Variants in PLXNA4 observed in about 807,000 individuals in gnomAD.
PLXNA4 encodes the protein plexin-A4.
In PLXNA4, 44 loss-of-function variants were observed where a neutral mutation model predicts 191.8. The observed-to-expected ratio is 0.23, with a 90% CI of 0.18 to 0.29. PLXNA4 has a LOEUF of 0.29. Ranked by LOEUF, PLXNA4 falls within the 10% of genes least tolerant of loss-of-function variation. PLXNA4 has a pLI of 1.00. For synonymous variants in PLXNA4, 1,082 were observed against 1,009.5 expected (o/e 1.07, Z -1.36); for missense variants, 1,800 against 2,488.8 (o/e 0.72, Z 5.89).
intron 3 of PLXNA4, among the ~76,000 whole-genome samples, chr7:132,336,166 G>C (rs1802809175): frequency 2.0e-5 from 3 of 152,350 alleles, no homozygotes; most frequent in South Asian, 4.1e-4. Flanking sequence ...TGCTCTCTAA[G>C]TATTCTAGTC....
intron 3 of PLXNA4, among the ~76,000 whole-genome samples, chr7:132,461,195 C>G (rs1480125922): frequency 6.6e-6 from 1 of 152,164 alleles, no homozygotes; most frequent in African/African-American, 2.4e-5. Context: ...TACAACAAGG[C>G]TTCCCTAAAT....
At chr7:132,505,089 C>T (rs545328620) in intron 2 of PLXNA4, among the ~76,000 whole-genome samples, 26 of 152,362 alleles carry the variant, frequency 1.7e-4, no homozygotes, top group African/African-American at 6.3e-4. Context: ...TGCAGAGTTT[C>T]TGGCCTCCTC....
chr7:132,277,573 C>A (rs1313350062), intron 4 of PLXNA4, among the ~76,000 whole-genome samples: 1 of 152,148 alleles, frequency 6.6e-6, no homozygotes, highest in Non-Finnish European at 1.5e-5. Context: ...AAAGCAGAGG[C>A]TCAGGAGGGA....
chr7:132,286,630 G>A (rs1432617184), intron 4 of PLXNA4, among the ~76,000 whole-genome samples: 1 of 152,164 alleles, frequency 6.6e-6, no homozygotes, highest in Non-Finnish European at 1.5e-5. Flanking sequence ...CTGGGGCAGA[G>A]AGAAGGAAAA....
At position 132,525,413 on chromosome 7, in the gene PLXNA4, C is replaced by T. The variant is rs115834636; in HGVS notation, c.-86-16634G>A. The stretch of plus-strand genomic sequence containing the variant: ...AGCATGCACAGGCTGCTACACCAGG[C>T]TAATTTTTAAAATTTTTGTAGAGTT... On this transcript the variant is annotated intron_variant, in intron 1 of 31. Transcript: ENST00000321063. Among the ~76,000 whole-genome samples the T allele has an allele frequency of 3.9e-3, 598 of 151,996 alleles. 5 individuals carry two copies. Among genetic ancestry groups the T allele is most frequent in the African/African-American group, 0.014 (574 of 41,436 alleles).
chr7:132,206,701 C>G (rs1797634025), intron 10 of PLXNA4, among the ~76,000 whole-genome samples: 1 of 152,050 alleles, frequency 6.6e-6, no homozygotes, highest in African/African-American at 2.4e-5. Flanking sequence ...TGCAACGTGC[C>G]TGGGGCAGGG....
intron 29 of PLXNA4, among the ~76,000 whole-genome samples, chr7:132,141,228 G>A (rs574967702): frequency 6.6e-6 from 1 of 152,268 alleles, no homozygotes; most frequent in South Asian, 2.1e-4. Context: ...GAATTGCTTG[G>A]AATCTAGGCT....
At chr7:132,509,855 C>G (rs1422136305) in intron 1 of PLXNA4, among the ~76,000 whole-genome samples, 1 of 152,200 alleles carries the variant, frequency 6.6e-6, no homozygotes, top group Non-Finnish European at 1.5e-5. Flanking sequence ...ACTGCAGCTG[C>G]AACCAGGTCC....
chr7:132,255,896 T>A (rs775027494), intron 4 of PLXNA4, among the ~76,000 whole-genome samples: 1 of 152,212 alleles, frequency 6.6e-6, no homozygotes, highest in Non-Finnish European at 1.5e-5. Context: ...CCTGGAAAAG[T>A]TAAGAAAAGA....
chr7:132,303,673 A>G (rs888989720), intron 3 of PLXNA4, among the ~76,000 whole-genome samples: 1 of 152,178 alleles, frequency 6.6e-6, no homozygotes, highest in Non-Finnish European at 1.5e-5. Flanking sequence ...CCACATCCCA[A>G]TCCTGTGTGT....
At chr7:132,169,861 G>A (rs1039169143) in intron 21 of PLXNA4, among the ~76,000 whole-genome samples, 8 of 152,110 alleles carry the variant, frequency 5.3e-5, no homozygotes, top group African/African-American at 7.2e-5. Context: ...ACCAAAAGAC[G>A]TACTTAAAAA....
chr7:132,143,362 C>T (rs555558316), intron 29 of PLXNA4, among the ~76,000 whole-genome samples: 13 of 152,296 alleles, frequency 8.5e-5, no homozygotes, highest in African/African-American at 3.1e-4. Flanking sequence ...TTTGGCTCCA[C>T]TCCAAGGACA....
intron 3 of PLXNA4, among the ~76,000 whole-genome samples, chr7:132,316,824 C>T (rs1801962670): frequency 6.6e-6 from 1 of 152,192 alleles, no homozygotes; most frequent in South Asian, 2.1e-4. Context: ...ACAATTTAGT[C>T]CCCCACCCTC....
At chr7:132,569,129 T>C (rs9649579) in intron 1 of PLXNA4, among the ~76,000 whole-genome samples, 80,732 of 151,986 alleles carry the variant, frequency 0.53, 21,848 homozygotes, top group South Asian at 0.67. Flanking sequence ...CAGAAGGACC[T>C]GTGGATTAAC....
chr7:132,223,391 G>T, intron 9 of PLXNA4, 136 bp downstream of exon 9: 1 of 697,230 alleles, frequency 1.4e-6, no homozygotes, highest in Admixed American at 2.5e-5. Context: ...TTTATAAAGT[G>T]GACCCTTAAG....
At chr7:132,354,866 A>G (rs1333340867) in intron 3 of PLXNA4, among the ~76,000 whole-genome samples, 2 of 152,242 alleles carry the variant, frequency 1.3e-5, no homozygotes, top group Non-Finnish European at 2.9e-5. Context: ...GCCCCTTTTC[A>G]GCATGAGCAT....
At chr7:132,431,753 T>A (rs925070862) in intron 3 of PLXNA4, among the ~76,000 whole-genome samples, 2 of 152,308 alleles carry the variant, frequency 1.3e-5, no homozygotes, top group Non-Finnish European at 2.9e-5. Flanking sequence ...GCTCTGGTCT[T>A]GGCCTCAGCG....
intron 4 of PLXNA4, among the ~76,000 whole-genome samples, chr7:132,258,348 TTTC>T (rs201859549): frequency 0.031 from 4,665 of 152,352 alleles, 84 homozygotes; most frequent in Middle Eastern, 0.051. Flanking sequence ...GATTTTCCCT[TTTC>T]TTCTTCCTGC....
At chr7:132,452,922 G>A (rs1407803621) in intron 3 of PLXNA4, among the ~76,000 whole-genome samples, 1 of 152,204 alleles carries the variant, frequency 6.6e-6, no homozygotes, top group African/African-American at 2.4e-5. Context: ...GATATGTGTT[G>A]GGGTAGAGGC....
Sources: allele counts gnomAD v4.1 joint callset (sites outside exome capture counted in the v4.1 genomes callset), GRCh38; gene constraint gnomAD v4.1.1; transcripts MANE v1.5; gene names NCBI Gene and HGNC (gene_info 2026-07-23, HGNC 2026-07-21).